Variants in ZNF382 observed in about 807,000 individuals in gnomAD.
ZNF382 encodes zinc finger protein 382.
In ZNF382, 20 loss-of-function variants were observed where a neutral mutation model predicts 38.8. That is an observed-to-expected ratio of 0.51 (90% confidence interval 0.36 to 0.75). The LOEUF (loss-of-function observed/expected upper bound fraction) is 0.75, where lower values mean the gene tolerates loss of function less well. Among genes scored for constraint, ZNF382 ranks in the 30% least tolerant of loss-of-function variants. The pLI is 0.00. For synonymous variants in ZNF382, 202 were observed against 223.1 expected, an observed-to-expected ratio of 0.91 and a Z score of 0.84; for missense variants, 546 against 654.1, an observed-to-expected ratio of 0.83 and a Z score of 1.80.
chr19:36,609,929 A>G lies in ZNF382; in HGVS notation c.15A>G (p.Gly5=). The change falls in exon 3 of 5, where the codon GGA becomes GGG. Residue 5 remains glycine, a synonymous_variant. Coordinates refer to ENST00000292928, the MANE Select transcript of ZNF382 (RefSeq NM_032825.5). ...TGAACTAGAGTATGCCCTTACAGGG[A>G]TCAGTGTCATTCAAGGATGTGACTG... is the stretch of plus-strand genomic sequence containing the variant. MPLQ[G]SVSFKDVTVD... The G allele has an allele frequency of 1.2e-6, 2 of 1,613,616 alleles. No individual in the cohort carries two copies. The highest frequency in any genetic ancestry group is 8.5e-7 in the Non-Finnish European group (1 of 1,179,896).
Position 36,626,874 on chromosome 19 carries a change from G to T in ZNF382, c.977G>T (p.Cys326Phe). 1 of 1,614,222 alleles carries T rather than the reference G, an allele frequency of 6.2e-7. No individual in the cohort carries two copies. The highest frequency in any genetic ancestry group is 1.6e-4 in the Middle Eastern group (1 of 6,062). The stretch of plus-strand genomic sequence containing the variant: ...CACACAGGTGAAAAACCTTATGTTT[G>T]CAATCAATGTGGAAAGGCCTTCCGT... ...RIHTGEKPYV[C>F]NQCGKAFRQK... Residue 326 changes from cysteine to phenylalanine, a missense_variant, in exon 5 of 5, where the codon TGC (cysteine) becomes TTC (phenylalanine). Coordinates refer to ENST00000292928, the MANE Select transcript of ZNF382 (RefSeq NM_032825.5).
chr19:36,609,679 A>C, intron 2 of ZNF382: 1 of 381,686 alleles, frequency 2.6e-6, no homozygotes, highest in Admixed American at 4.6e-5. Context: ...GAGCAGGGTC[A>C]GGGTTTTATT....
chr19:36,607,699 C>A, intron 2 of ZNF382, 77 bp downstream of exon 2: 1 of 1,362,108 alleles, frequency 7.3e-7, no homozygotes, highest in Non-Finnish European at 9.7e-7. Context: ...GTCCTTTAAC[C>A]TTCCCTGATA....
intron 1 of ZNF382, among the ~76,000 whole-genome samples, chr19:36,605,948 G>A (rs772148053): frequency 6.6e-6 from 1 of 152,198 alleles, no homozygotes; most frequent in African/African-American, 2.4e-5. Context: ...TGAATGACAA[G>A]TGGGGCCTGT....
In ZNF382 at chr19:36,632,610, G is replaced by A. The variant is rs2037260632; in HGVS notation, c.*5060G>A. On this transcript the variant is annotated 3_prime_UTR_variant, in exon 5 of 5. Transcript: ENST00000292928. ...CATCATAAACAAATTGGCTCTGGGA[G>A]TCTCCCAGGGAATATCAGACTTTAA... is the stretch of plus-strand genomic sequence containing the variant. 6.6e-6 allele frequency: 1 copy of A among 152,216 alleles called. No individual in the cohort carries two copies. The highest frequency in any genetic ancestry group is 1.5e-5 in the Non-Finnish European group (1 of 68,042). The allele number at this position is 152,216 out of a possible 1,614,324, so 9.4% of individuals were successfully genotyped here.
At chr19:36,609,807 A>G in intron 2 of ZNF382, 95 bp from the exon 3 acceptor site, 1 of 1,121,966 alleles carries the variant, frequency 8.9e-7, no homozygotes, top group African/African-American at 1.6e-5. Flanking sequence ...ATTTTATGCA[A>G]TATAAAACAT....
chr19:36,606,992 G>C (rs1418141855), intron 1 of ZNF382, among the ~76,000 whole-genome samples: 2 of 150,550 alleles, frequency 1.3e-5, no homozygotes, highest in Non-Finnish European at 2.9e-5. Context: ...CAGGAGAATC[G>C]CTTGAACCCG....
chr19:36,616,159 C>T (rs1050396655), intron 4 of ZNF382, among the ~76,000 whole-genome samples: 2 of 152,120 alleles, frequency 1.3e-5, no homozygotes, highest in African/African-American at 4.8e-5. Flanking sequence ...GCAGGAGGAT[C>T]GCTTGAGGCC....
At position 36,629,910 on chromosome 19, in the gene ZNF382, G is replaced by A. The variant is rs2037242464; in HGVS notation, c.*2360G>A. 1 of 152,136 alleles carries A rather than the reference G, an allele frequency of 6.6e-6. No individual in the cohort carries two copies. The highest frequency in any genetic ancestry group is 1.5e-5 in the Non-Finnish European group (1 of 68,038). 9.4% of individuals were successfully genotyped at this position (152,136 alleles called of 1,614,324 possible). On this transcript the variant is annotated 3_prime_UTR_variant, in exon 5 of 5. Transcript: ENST00000292928. The stretch of plus-strand genomic sequence containing the variant: ...ACTGCACTCCAGCCTGGGTAACAGA[G>A]CGAGACCCTGTCTCATAAATAAATA...
In ZNF382 at chr19:36,631,283, C is replaced by T. The variant is rs528114332; in HGVS notation, c.*3733C>T. ...GCTCCTAGGCTACAAATCTGTACTG[C>T]ATGTTACTGTGCTGGATACTATAGG... On this transcript the variant is annotated 3_prime_UTR_variant, in exon 5 of 5. Coordinates refer to ENST00000292928, the MANE Select transcript of ZNF382 (RefSeq NM_032825.5). 6.6e-6 allele frequency: 1 copy of T among 152,214 alleles called. No homozygotes were observed. The highest frequency in any genetic ancestry group is 1.9e-4 in the East Asian group (1 of 5,180). 9.4% of individuals were successfully genotyped at this position (152,214 alleles called of 1,614,324 possible).
chr19:36,624,611 G>C (rs2037195421), intron 4 of ZNF382, among the ~76,000 whole-genome samples: 1 of 152,160 alleles, frequency 6.6e-6, no homozygotes, highest in African/African-American at 2.4e-5. Flanking sequence ...GGGAATAGCA[G>C]AGTTAAGGTA....
chr19:36,625,112 A>ATATG (rs1275698915), intron 4 of ZNF382, among the ~76,000 whole-genome samples: 3 of 131,574 alleles, frequency 2.3e-5, no homozygotes, highest in African/African-American at 8.1e-5. Context: ...ATATATATAT[A>ATATG]TATATATATA....
chr19:36,605,530 C>G (rs984068541), intron 1 of ZNF382, 183 bp downstream of exon 1: 1 of 152,306 alleles, frequency 6.6e-6, no homozygotes, highest in Non-Finnish European at 1.5e-5. Context: ...CTGTACGAGC[C>G]GGGCCTCGGG....
chr19:36,619,028 AAAAT>A (rs969081033), intron 4 of ZNF382, among the ~76,000 whole-genome samples: 1 of 152,172 alleles, frequency 6.6e-6, no homozygotes, highest in African/African-American at 2.4e-5. Context: ...TCTGTCTCCA[AAAAT>A]AAATAAATAA....
At position 36,630,928 on chromosome 19, in the gene ZNF382, G is replaced by A. The variant is rs2037250232; in HGVS notation, c.*3378G>A. On this transcript the variant is annotated 3_prime_UTR_variant, in exon 5 of 5. Coordinates refer to ENST00000292928, the MANE Select transcript of ZNF382 (RefSeq NM_032825.5). The stretch of plus-strand genomic sequence containing the variant: ...GCCTCCCAAGTAGCTAGGACTACAG[G>A]CAGGCGCCATTCCTCTCAGCTAATG... 1 of 151,990 alleles carries A rather than the reference G, an allele frequency of 6.6e-6. No homozygotes were observed. Among genetic ancestry groups the A allele is most frequent in the African/African-American group, 2.4e-5 (1 of 41,380 alleles). 9.4% of individuals were successfully genotyped at this position (151,990 alleles called of 1,614,324 possible).
intron 3 of ZNF382, chr19:36,610,408 A>T (rs2037067571): frequency 2.5e-6 from 1 of 399,820 alleles, no homozygotes; most frequent in Non-Finnish European, 4.5e-6. Context: ...GTGAGTTGAG[A>T]TTGCACCACT....
chr19:36,625,984 A>G (rs2037209730), intron 4 of ZNF382, 146 bp from the exon 5 acceptor site: 1 of 511,238 alleles, frequency 2.0e-6, no homozygotes, highest in Non-Finnish European at 3.3e-6. Flanking sequence ...ATTTATGTTT[A>G]TACATTTTCC....
At position 36,626,399 on chromosome 19, in the gene ZNF382, G is replaced by C; in HGVS notation, c.502G>C (p.Glu168Gln). The change falls in exon 5 of 5, where the codon GAG becomes CAG. Residue 168 changes from glutamate to glutamine, a missense_variant. Transcript: ENST00000292928. ...KEKFGDSTGWEKSLLNTKHEK... is the reference protein window; with the variant it reads ...KEKFGDSTGWQKSLLNTKHEK... ...GAAGTTTGGTGACAGTACTGGATGG[G>C]AGAAATCACTCCTCAATACCAAGCA... is the stretch of plus-strand genomic sequence containing the variant. The C allele has an allele frequency of 6.3e-7, 1 of 1,599,406 alleles. No individual in the cohort carries two copies. Among genetic ancestry groups the C allele is most frequent in the Non-Finnish European group, 8.5e-7 (1 of 1,175,598 alleles).
In ZNF382 at chr19:36,609,892, A is replaced by G. The variant is rs1409143840; in HGVS notation, c.-13-10A>G. 3 of 1,579,130 alleles carry G rather than the reference A, an allele frequency of 1.9e-6. No individual in the cohort carries two copies. The highest frequency in any genetic ancestry group is 1.2e-5 in the South Asian group (1 of 85,768). ...AATATCTAGTTCTCACACATTTCCG[A>G]TCACTTCAGGATGAACTAGAGTATG... On this transcript the variant is annotated splice_polypyrimidine_tract_variant and intron_variant, in intron 2 of 4. Transcript: ENST00000292928.
Sources: gnomAD v4.1 joint callset for allele counts (sites outside exome capture counted in the v4.1 genomes callset) on GRCh38, gnomAD v4.1.1 for gene constraint, MANE v1.5 for transcripts, NCBI Gene and HGNC (gene_info 2026-07-23, HGNC 2026-07-21) for gene names.